HPSE2: variants seen among roughly 807,000 people sequenced by gnomAD.
The protein encoded by HPSE2 is heparanase 2 (inactive).
HPSE2 carries 38 observed loss-of-function variants against 60.5 expected under a neutral mutation model. The ratio of observed to expected loss-of-function variants is 0.63; its 90% CI spans 0.48 to 0.82. The LOEUF is 0.82. HPSE2 is among the 40% of genes least tolerant of loss of function. The probability of loss-of-function intolerance (pLI) is 0.00; values close to 1 mark genes in which losing one functional copy is unlikely to be tolerated. For synonymous variants in HPSE2, 295 were observed against 293.2 expected, an observed-to-expected ratio of 1.01 and a Z score of -0.06; for missense variants, 713 against 740.4, an observed-to-expected ratio of 0.96 and a Z score of 0.43.
At chr10:98,791,130 A>C (rs1242732509) in intron 3 of HPSE2, among the ~76,000 whole-genome samples, 1 of 152,218 alleles carries the variant, frequency 6.6e-6, no homozygotes, top group Non-Finnish European at 1.5e-5. Context: ...TTCACAACTT[A>C]TAGCATTGTG....
Position 99,160,671 on chromosome 10 carries a change from G to A in HPSE2, c.449-16272C>T, listed in dbSNP as rs183084756. 7.5e-3 allele frequency among the ~76,000 whole-genome samples: 1,133 copies of A among 151,862 alleles called. 8 individuals carry two copies. Among genetic ancestry groups the A allele is most frequent in the African/African-American group, 0.023 (967 of 41,438 alleles). ...TCCCAGCACTTTGGGAGGCCGAGGC[G>A]GGCGGATCACGAGGTCAGGAGATCG... On this transcript the variant is annotated intron_variant, in intron 2 of 11. Coordinates refer to ENST00000370552, the MANE Select transcript of HPSE2 (RefSeq NM_021828.5).
In HPSE2 at chr10:98,721,779, C is replaced by T; in HGVS notation, c.834G>A (p.Gln278=). ...TMHGRAVNGS[Q]LGKDYIQLKS... The stretch of plus-strand genomic sequence containing the variant: ...TCAGCTGGATGTAATCCTTTCCCAA[C>T]TGGCTGCCATTTACTGCCCGGCCAT... The change falls in exon 5 of 12, where the codon CAG becomes CAA. Residue 278 remains glutamine, a synonymous_variant. Transcript: ENST00000370552. 5.0e-6 allele frequency: 8 copies of T among 1,613,746 alleles called. No homozygotes were observed. Among genetic ancestry groups the T allele is most frequent in the Non-Finnish European group, 6.8e-6 (8 of 1,179,876 alleles).
intron 9 of HPSE2, among the ~76,000 whole-genome samples, chr10:98,580,324 T>C (rs1944758844): frequency 6.7e-6 from 1 of 148,908 alleles, no homozygotes; most frequent in Non-Finnish European, 1.5e-5. Flanking sequence ...TGGGATATTT[T>C]CTTGCATTAT....
At chr10:98,866,579 C>A (rs1378351288) in intron 3 of HPSE2, among the ~76,000 whole-genome samples, 1 of 151,830 alleles carries the variant, frequency 6.6e-6, no homozygotes, top group Non-Finnish European at 1.5e-5. Flanking sequence ...TGCTCAAAAC[C>A]AATAATAAAC....
chr10:99,251,058 C>A, the HPSE2 span, among the ~76,000 whole-genome samples: 2 of 152,048 alleles, frequency 1.3e-5, no homozygotes, highest in Non-Finnish European at 2.9e-5. Flanking sequence ...TCAACAGAAA[C>A]AAAAGTTTGT....
intron 9 of HPSE2, among the ~76,000 whole-genome samples, chr10:98,582,927 G>A (rs921332146): frequency 2.6e-5 from 4 of 151,906 alleles, no homozygotes; most frequent in Admixed American, 6.6e-5. Flanking sequence ...ACCCCCAACC[G>A]TTTTCTCCTC....
intron 9 of HPSE2, among the ~76,000 whole-genome samples, chr10:98,512,382 C>G (rs971125706): frequency 6.6e-6 from 1 of 152,116 alleles, no homozygotes; most frequent in African/African-American, 2.4e-5. Context: ...GAGATCGAGA[C>G]CATCCTGGCT....
intron 3 of HPSE2, among the ~76,000 whole-genome samples, chr10:98,811,526 C>T (rs1286109992): frequency 6.6e-6 from 1 of 152,010 alleles, no homozygotes; most frequent in Non-Finnish European, 1.5e-5. Flanking sequence ...AAGACAGTAC[C>T]TAGGATCAAA....
At chr10:99,254,273 C>T in the HPSE2 span, among the ~76,000 whole-genome samples, 2 of 152,124 alleles carry the variant, frequency 1.3e-5, no homozygotes, top group Non-Finnish European at 1.5e-5. Context: ...AACATAGATG[C>T]AGCTGTGAAT....
intron 3 of HPSE2, among the ~76,000 whole-genome samples, chr10:99,116,073 A>T (rs1327903352): frequency 6.6e-6 from 1 of 152,192 alleles, no homozygotes; most frequent in African/African-American, 2.4e-5. Context: ...ATGCCTTAAA[A>T]GAACCCAAAA....
chr10:98,667,714 A>G (rs1017753796), intron 6 of HPSE2, among the ~76,000 whole-genome samples: 3 of 152,224 alleles, frequency 2.0e-5, no homozygotes, highest in Non-Finnish European at 4.4e-5. Context: ...CAAGCCTTCA[A>G]TAAATTTCAA....
chr10:98,540,638 A>G (rs1429835231), intron 9 of HPSE2, among the ~76,000 whole-genome samples: 1 of 152,244 alleles, frequency 6.6e-6, no homozygotes, highest in Non-Finnish European at 1.5e-5. Context: ...TATGAAACAT[A>G]AACTCCTTCA....
the HPSE2 span, among the ~76,000 whole-genome samples, chr10:99,280,222 G>T: frequency 0.86 from 130,175 of 152,104 alleles, 56,066 homozygotes; most frequent in African/African-American, 0.92. Flanking sequence ...AAGAGCTAAG[G>T]AAAGGAGAGT....
intron 9 of HPSE2, among the ~76,000 whole-genome samples, chr10:98,592,429 GATTAT>G (rs2133945464): frequency 6.6e-6 from 1 of 152,156 alleles, no homozygotes; most frequent in South Asian, 2.1e-4. Context: ...CTCTATTTCT[GATTAT>G]TTGTCCCAAA....
chr10:99,135,413 C>T (rs976362932), intron 3 of HPSE2, among the ~76,000 whole-genome samples: 1 of 152,232 alleles, frequency 6.6e-6, no homozygotes, highest in Non-Finnish European at 1.5e-5. Context: ...ACATCATTCT[C>T]AGCACCACAT....
chr10:98,817,218 T>C (rs374836716), intron 3 of HPSE2, among the ~76,000 whole-genome samples: 2 of 152,204 alleles, frequency 1.3e-5, no homozygotes, highest in South Asian at 2.1e-4. Context: ...GTATTATTAT[T>C]CTTATTATAA....
intron 3 of HPSE2, among the ~76,000 whole-genome samples, chr10:99,110,135 T>C (rs1349922227): frequency 6.6e-6 from 1 of 152,212 alleles, no homozygotes; most frequent in Non-Finnish European, 1.5e-5. Context: ...GAATATAATC[T>C]TGAAACTATT....
intron 9 of HPSE2, among the ~76,000 whole-genome samples, chr10:98,513,078 G>C (rs1342474254): frequency 6.6e-6 from 1 of 152,082 alleles, no homozygotes; most frequent in African/African-American, 2.4e-5. Flanking sequence ...TCATAATGAT[G>C]GGATTATGTT....
intron 6 of HPSE2, 83 bp downstream of exon 6, chr10:98,693,817 C>A: frequency 9.1e-7 from 1 of 1,104,930 alleles, no homozygotes; most frequent in Non-Finnish European, 1.4e-6. Flanking sequence ...TATTAAATGT[C>A]AGTTATGAAC....
Sources: allele counts gnomAD v4.1 joint callset (sites outside exome capture counted in the v4.1 genomes callset), GRCh38; gene constraint gnomAD v4.1.1; transcripts MANE v1.5; gene names NCBI Gene and HGNC (gene_info 2026-07-23, HGNC 2026-07-21).